The following RANBP3 variants were observed in gnomAD, a reference collection of about 807,000 sequenced individuals.
The protein encoded by RANBP3 is ran-binding protein 3.
A neutral mutation model predicts 77.3 loss-of-function variants in RANBP3; 14 were observed. The observed-to-expected ratio is 0.18, with a 90% CI of 0.12 to 0.28. The LOEUF is 0.28. Ranked by LOEUF, RANBP3 falls within the 10% of genes least tolerant of loss-of-function variation. The probability of loss-of-function intolerance (pLI) is 1.00; values close to 1 mark genes in which losing one functional copy is unlikely to be tolerated. For synonymous variants in RANBP3, 315 were observed against 312.4 expected (o/e 1.01, Z -0.09); for missense variants, 586 against 752.3 (o/e 0.78, Z 2.59).
At chr19:5,955,311 T>C (rs1414925865) in intron 2 of RANBP3, among the ~76,000 whole-genome samples, 3 of 152,104 alleles carry the variant, frequency 2.0e-5, no homozygotes, top group Admixed American at 6.5e-5. Context: ...TTTCACCATG[T>C]TGGTCAGGCT....
intron 14 of RANBP3, among the ~76,000 whole-genome samples, chr19:5,920,122 C>A (rs1272617737): frequency 6.6e-6 from 1 of 152,178 alleles, no homozygotes; most frequent in Non-Finnish European, 1.5e-5. Flanking sequence ...ATGGTCCCAG[C>A]GCAGTGGCCC....
At chr19:5,975,088 A>AG (rs2058574766) in intron 1 of RANBP3, among the ~76,000 whole-genome samples, 1 of 152,248 alleles carries the variant, frequency 6.6e-6, no homozygotes, top group Admixed American at 6.5e-5. Context: ...CAAAAGGCAC[A>AG]GGCAAGGAGG....
intron 3 of RANBP3, chr19:5,950,873 C>T (rs2058265849): frequency 6.3e-6 from 1 of 158,990 alleles, no homozygotes; most frequent in African/African-American, 2.4e-5. Context: ...TTTCTTCTTC[C>T]TGCTTTGATT....
chr19:5,942,799 C>T (rs920376008), intron 3 of RANBP3, among the ~76,000 whole-genome samples: 2 of 151,848 alleles, frequency 1.3e-5, no homozygotes, highest in Non-Finnish European at 2.9e-5. Flanking sequence ...GCAGAAGGAT[C>T]GCTTGAGCCC....
chr19:5,968,922 G>A (rs1446196760), intron 1 of RANBP3, among the ~76,000 whole-genome samples: 2 of 152,236 alleles, frequency 1.3e-5, no homozygotes, highest in African/African-American at 4.8e-5. Flanking sequence ...GGTAGTTCTG[G>A]AGCTGGGTGC....
intron 9 of RANBP3, 153 bp from the exon 10 acceptor site, chr19:5,925,890 G>C (rs1483157135): frequency 6.3e-6 from 4 of 633,090 alleles, no homozygotes; most frequent in Non-Finnish European, 1.1e-5. Context: ...TGCATGTGCT[G>C]GGGGGCAGGG....
chr19:5,978,076 C>T lies in RANBP3; in HGVS notation c.7G>A (p.Asp3Asn), dbSNP rs1283165471. 3 of 1,610,976 alleles carry T rather than the reference C, an allele frequency of 1.9e-6. No individual in the cohort carries two copies. The highest frequency in any genetic ancestry group is 2.5e-6 in the Non-Finnish European group (3 of 1,178,816). The change falls in exon 1 of 17, where the codon GAC becomes AAC. Residue 3 changes from aspartate (D) to asparagine (N), a missense_variant. Physicochemically the swap from Asp to Asn is conservative, Grantham distance 23. Transcript: ENST00000340578. ...CCTCCCCTACCTTCGTTCGCCAGGTCCGCCATTTTACTTCCTTAAGCCCTC... is the reference window on the plus strand; with the variant it reads ...CCTCCCCTACCTTCGTTCGCCAGGTTCGCCATTTTACTTCCTTAAGCCCTC... MA[D>N]LANEEKPAIA...
intron 7 of RANBP3, 96 bp downstream of exon 7, chr19:5,932,356 C>T (rs1599737149): frequency 1.1e-6 from 1 of 895,406 alleles, no homozygotes; most frequent in East Asian, 2.5e-5. Flanking sequence ...GTGCATTCAG[C>T]AGTCACCTCT....
Position 5,964,809 on chromosome 19 carries a change from CA to C in RANBP3, c.23-6837del, listed in dbSNP as rs1376394715. Among the ~76,000 whole-genome samples, 3 of 116,252 alleles carry C rather than the reference CA, an allele frequency of 2.6e-5. No individual in the cohort carries two copies. The Admixed American group carries it at 3.5e-4, about 14-fold the overall frequency. 76.3% of individuals were successfully genotyped at this position (116,252 alleles called of 152,430 possible). A position where few individuals can be genotyped will look rare whatever the true frequency, so the allele number is the denominator to read the frequency against. On this transcript the variant is annotated intron_variant, in intron 1 of 16. Coordinates refer to ENST00000340578, the MANE Select transcript of RANBP3 (RefSeq NM_007322.3). The stretch of plus-strand genomic sequence containing the variant: ...CACGCCTTGGGGACAGACTGGAAAA[CA>C]GGGCAGCCTGGGGGAAGAGGAGCTA...
chr19:5,934,617 T>C (rs2058039388), intron 5 of RANBP3, among the ~76,000 whole-genome samples: 2 of 152,216 alleles, frequency 1.3e-5, no homozygotes, highest in South Asian at 4.1e-4. Context: ...GAGGACTGCA[T>C]GAGCCCAAGA....
intron 9 of RANBP3, among the ~76,000 whole-genome samples, chr19:5,926,808 T>C (rs1013194649): frequency 5.3e-5 from 8 of 152,160 alleles, no homozygotes; most frequent in African/African-American, 1.9e-4. Flanking sequence ...CCTAAAGCCA[T>C]GGCAACAGCA....
intron 3 of RANBP3, among the ~76,000 whole-genome samples, chr19:5,947,678 C>A (rs932905300): frequency 6.6e-6 from 1 of 152,240 alleles, no homozygotes; most frequent in Non-Finnish European, 1.5e-5. Context: ...AGCCCTCCCG[C>A]GGCTTGGGCT....
intron 5 of RANBP3, 147 bp downstream of exon 5, chr19:5,941,474 C>T: frequency 1.4e-6 from 1 of 699,272 alleles, no homozygotes; most frequent in Non-Finnish European, 2.5e-6. Context: ...CAAGCTCTCA[C>T]CTCACTCCTG....
chr19:5,949,233 C>T (rs59103979), intron 3 of RANBP3, among the ~76,000 whole-genome samples: 17 of 152,336 alleles, frequency 1.1e-4, no homozygotes, highest in African/African-American at 2.9e-4. Context: ...CTGATGCAAA[C>T]GAAAACGGTC....
At chr19:5,933,568 G>A in intron 5 of RANBP3, 89 bp from the exon 6 acceptor site, 1 of 1,040,370 alleles carries the variant, frequency 9.6e-7, no homozygotes, top group Non-Finnish European at 1.4e-6. Context: ...CTATGGTCTT[G>A]GCCTCAGTGA....
chr19:5,930,716 A>C (rs1219220706), intron 8 of RANBP3, among the ~76,000 whole-genome samples: 1 of 152,142 alleles, frequency 6.6e-6, no homozygotes, highest in African/African-American at 2.4e-5. Flanking sequence ...CTACAGGTAC[A>C]TGCTACCATG....
intron 8 of RANBP3, among the ~76,000 whole-genome samples, chr19:5,929,316 C>T (rs755838755): frequency 2.6e-5 from 4 of 152,238 alleles, no homozygotes; most frequent in Non-Finnish European, 4.4e-5. Flanking sequence ...ATGGGCTAAT[C>T]CCCAGCCCCA....
chr19:5,918,469 C>T (rs1378824040), intron 15 of RANBP3, 27 bp downstream of exon 15: 1 of 1,545,794 alleles, frequency 6.5e-7, no homozygotes, highest in Admixed American at 1.7e-5. Context: ...ATGAGGGGTC[C>T]CAGATGCACC....
intron 3 of RANBP3, among the ~76,000 whole-genome samples, chr19:5,944,979 G>A (rs2058185709): frequency 6.6e-6 from 1 of 152,146 alleles, no homozygotes; most frequent in African/African-American, 2.4e-5. Flanking sequence ...CTCTGTAGAC[G>A]ACCTGCTCTC....
Sources: allele counts gnomAD v4.1 joint callset (sites outside exome capture counted in the v4.1 genomes callset), GRCh38; gene constraint gnomAD v4.1.1; transcripts MANE v1.5; gene names NCBI Gene and HGNC (gene_info 2026-07-23, HGNC 2026-07-21).